Variants in MICAL3 observed in about 807,000 individuals in gnomAD.
MICAL3 encodes the protein [F-actin]-monooxygenase MICAL3.
MICAL3 carries 62 observed loss-of-function variants against 207.4 expected under a neutral mutation model. The ratio of observed to expected loss-of-function variants is 0.30; its 90% CI spans 0.24 to 0.37. MICAL3 has a LOEUF of 0.37. Among genes scored for constraint, MICAL3 ranks in the 10% least tolerant of loss-of-function variants. MICAL3 has a pLI of 1.00. For missense variants in MICAL3, 2,368 were observed against 2,635.6 expected (o/e 0.90, Z 2.22); for synonymous variants, 1,077 against 1,069.3 (o/e 1.01, Z -0.14).
rs77213845 is a variant in MICAL3, at chr22:17,887,918, G to C, written c.1892-483C>G. Among the ~76,000 whole-genome samples, 1,404 of 152,330 alleles carry C rather than the reference G, an allele frequency of 9.2e-3. 20 individuals are homozygous for C. The highest frequency in any genetic ancestry group is 0.031 in the African/African-American group (1,309 of 41,560). ...GCACTGAATGGGTACGTCGATGTTA[G>C]AGCTGTGGCTTTCTGTTGTAAGAAC... On this transcript the variant is annotated intron_variant, in intron 13 of 31. Transcript: ENST00000441493.
chr22:17,864,937 C>T lies in MICAL3; in HGVS notation c.2567G>A (p.Arg856Gln), dbSNP rs769747581. 11 of 1,613,674 alleles carry T rather than the reference C, an allele frequency of 6.8e-6. No homozygotes were observed. The highest frequency in any genetic ancestry group is 1.7e-4 in the Middle Eastern group (1 of 6,056). ...QDGATTDANG[R>Q]ANAVASSTER... The stretch of plus-strand genomic sequence containing the variant: ...AGTGGAGCTGGCCACGGCGTTGGCC[C>T]GTCCGTTTGCATCTGTGGTGGCGCC... Residue 856 changes from arginine (R) to glutamine (Q), a missense_variant, in exon 19 of 32, where the codon CGG becomes CAG. Physicochemically the swap from Arg to Gln is conservative, Grantham distance 43. This residue lies in a region of MICAL3 where 1,770 missense variants were observed against 1,863.2 expected (regional missense o/e 0.95). Transcript: ENST00000441493.
At chr22:17,897,733 A>G (rs1930976079) in intron 7 of MICAL3, among the ~76,000 whole-genome samples, 1 of 152,232 alleles carries the variant, frequency 6.6e-6, no homozygotes, top group African/African-American at 2.4e-5. Context: ...CTTGAGTGCC[A>G]AAAAGACATG....
intron 19 of MICAL3, among the ~76,000 whole-genome samples, chr22:17,848,369 C>G (rs552676881): frequency 6.6e-6 from 1 of 152,180 alleles, no homozygotes; most frequent in Non-Finnish European, 1.5e-5. Context: ...TACTGGGAAA[C>G]GGGGATGACA....
At chr22:17,864,739 G>A (rs367916408) in intron 19 of MICAL3, 160 bp downstream of exon 19, 15 of 1,613,578 alleles carry the variant, frequency 9.3e-6, no homozygotes, top group South Asian at 7.7e-5. Flanking sequence ...GACTCCGAAC[G>A]CAAGCAGCTG....
rs896109280 is a variant in MICAL3, at chr22:17,790,449, G to A, written c.*283C>T. On this transcript the variant is annotated 3_prime_UTR_variant, in exon 32 of 32. Coordinates refer to ENST00000441493, the MANE Select transcript of MICAL3 (RefSeq NM_015241.3). ...CACAGCCAGCACATCCTCAGGGAGC[G>A]CGCGGGGTGGTCCCCTGCGTCATGC... is the stretch of plus-strand genomic sequence containing the variant. The A allele has an allele frequency of 1.8e-5, 8 of 451,038 alleles. No individual in the cohort carries two copies. Among genetic ancestry groups the A allele is most frequent in the East Asian group, 3.6e-5 (1 of 28,152 alleles). The allele number at this position is 451,038 out of a possible 1,614,324, so 27.9% of individuals were successfully genotyped here. A position where few individuals can be genotyped will look rare whatever the true frequency, so the allele number is the denominator to read the frequency against.
At chr22:17,873,991 C>G (rs938207307) in intron 16 of MICAL3, among the ~76,000 whole-genome samples, 3 of 152,214 alleles carry the variant, frequency 2.0e-5, no homozygotes, top group Middle Eastern at 3.2e-3. Context: ...GGGATGCCAA[C>G]AGCCCCCTTA....
intron 21 of MICAL3, among the ~76,000 whole-genome samples, chr22:17,828,208 C>T (rs1741282864): frequency 1.3e-5 from 2 of 152,224 alleles, no homozygotes; most frequent in Admixed American, 6.5e-5. Context: ...GTGTGAGACC[C>T]CAGGATGCAC....
Position 17,860,608 on chromosome 22 carries a change from C to G in MICAL3, c.2605+4291G>C, listed in dbSNP as rs142948335. ...AAAGAGCTGAAGATGCACTAACCAC[C>G]AAAAGATAGGAGTGGGCTCAAACGG... On this transcript the variant is annotated intron_variant, in intron 19 of 31. Coordinates refer to ENST00000441493, the MANE Select transcript of MICAL3 (RefSeq NM_015241.3). 4.1e-6 allele frequency: 4 copies of G among 985,514 alleles called. No individual in the cohort carries two copies. In the African/African-American group the frequency reaches 7.0e-5, roughly 17 times the overall value. 61.0% of individuals were successfully genotyped at this position (985,514 alleles called of 1,614,324 possible).
At chr22:17,890,087 C>A (rs73876526) in intron 12 of MICAL3, among the ~76,000 whole-genome samples, 1,699 of 152,260 alleles carry the variant, frequency 0.011, 29 homozygotes, top group African/African-American at 0.039. Context: ...AGATTAATGG[C>A]CATTTCCTAC....
chr22:17,929,188 TC>T (rs1333654915), intron 1 of MICAL3, among the ~76,000 whole-genome samples: 2 of 147,142 alleles, frequency 1.4e-5, no homozygotes, highest in Admixed American at 6.9e-5. Context: ...AACCTCAAAC[TC>T]CTGGGTCAAA....
chr22:17,924,086 G>T (rs1932858984), intron 1 of MICAL3, among the ~76,000 whole-genome samples: 1 of 152,158 alleles, frequency 6.6e-6, no homozygotes, highest in Non-Finnish European at 1.5e-5. Flanking sequence ...AGAAAAGCAT[G>T]GAGGTAACCG....
intron 25 of MICAL3, among the ~76,000 whole-genome samples, chr22:17,820,921 C>T (rs986304861): frequency 7.3e-6 from 1 of 137,910 alleles, no homozygotes; most frequent in Non-Finnish European, 1.5e-5. Context: ...TATTTATAAA[C>T]ATAAATTTTA....
At chr22:17,940,573 G>A (rs1156598265) in intron 1 of MICAL3, among the ~76,000 whole-genome samples, 1 of 152,194 alleles carries the variant, frequency 6.6e-6, no homozygotes, top group East Asian at 1.9e-4. Context: ...AGAATACAGG[G>A]AAGAATATGA....
At chr22:17,996,108 T>A (rs1602373736) in intron 1 of MICAL3, among the ~76,000 whole-genome samples, 1 of 120,714 alleles carries the variant, frequency 8.3e-6, no homozygotes, top group Non-Finnish European at 1.6e-5. Context: ...CCAGCCTAGG[T>A]GGCAGAGTGA....
Position 17,817,655 on chromosome 22 carries a change from CTGG to C in MICAL3, c.5003_5005del (p.Thr1668del). On this transcript the variant is annotated inframe_deletion, in exon 26 of 32. Coordinates refer to ENST00000441493, the MANE Select transcript of MICAL3 (RefSeq NM_015241.3). ...CGACGGCGGGGAGAGGACCTCCTCGCTGGTGGCTTCATGCTTCAGGGTGGGCTC... is the reference window on the plus strand; with the variant it reads ...CGACGGCGGGGAGAGGACCTCCTCGCTGGCTTCATGCTTCAGGGTGGGCTC... 1 of 1,612,216 alleles carries C rather than the reference CTGG, an allele frequency of 6.2e-7. No homozygotes were observed. The highest frequency in any genetic ancestry group is 8.5e-7 in the Non-Finnish European group (1 of 1,179,656).
At chr22:17,836,210 G>C (rs1201916054) in intron 20 of MICAL3, among the ~76,000 whole-genome samples, 1 of 152,242 alleles carries the variant, frequency 6.6e-6, no homozygotes, top group Non-Finnish European at 1.5e-5. Context: ...GTGCTCTGCA[G>C]TCCTCTGCTG....
chr22:17,887,082 C>T (rs188984803), intron 15 of MICAL3, 88 bp downstream of exon 15: 3 of 819,292 alleles, frequency 3.7e-6, no homozygotes, highest in Non-Finnish European at 4.0e-6. Context: ...ATGAAAAGAC[C>T]TAGCAATACC....
intron 1 of MICAL3, among the ~76,000 whole-genome samples, chr22:17,927,989 A>C (rs766836808): frequency 6.6e-6 from 1 of 152,086 alleles, no homozygotes; most frequent in Non-Finnish European, 1.5e-5. Flanking sequence ...GAGTGAATTA[A>C]AGGTTTGGCT....
intron 16 of MICAL3, chr22:17,876,904 AGGTT>A (rs1928553309): frequency 3.6e-5 from 5 of 138,828 alleles, no homozygotes; most frequent in Admixed American, 1.4e-4. Context: ...GAGGTTAGGG[AGGTT>A]AGGGAGGTTA....
Sources: allele counts gnomAD v4.1 joint callset (sites outside exome capture counted in the v4.1 genomes callset), GRCh38; gene constraint gnomAD v4.1.1; regional missense constraint gnomAD v4.1.1; transcripts MANE v1.5; gene names NCBI Gene and HGNC (gene_info 2026-07-23, HGNC 2026-07-21).